HADHA: variants seen among roughly 807,000 people sequenced by gnomAD.
HADHA encodes the protein trifunctional enzyme subunit alpha, mitochondrial.
In HADHA, 59 loss-of-function variants were observed where a neutral mutation model predicts 91.3. The ratio of observed to expected loss-of-function variants is 0.65; its 90% CI spans 0.52 to 0.80. The LOEUF (loss-of-function observed/expected upper bound fraction) is 0.80. Among genes scored for constraint, HADHA ranks in the 30% least tolerant of loss-of-function variants. The pLI is 0.00. For missense variants in HADHA, 800 were observed against 927.6 expected, an observed-to-expected ratio of 0.86 and a Z score of 1.79; for synonymous variants, 320 against 338.9, an observed-to-expected ratio of 0.94 and a Z score of 0.61.
At chr2:26,231,338 A>G (rs2147780605) in intron 6 of HADHA, among the ~76,000 whole-genome samples, 1 of 152,310 alleles carries the variant, frequency 6.6e-6, no homozygotes, top group South Asian at 2.1e-4. Flanking sequence ...GCCAGAAGCT[A>G]TAAGGTTCAG....
In HADHA at chr2:26,191,241, G is replaced by A; in HGVS notation, c.*9C>T. The stretch of plus-strand genomic sequence containing the variant: ...TTAGTGCACTGACTGAGCGAGGCAT[G>A]AGGCCTGCTCACTGGTAGAACTTCT... On this transcript the variant is annotated 3_prime_UTR_variant, in exon 20 of 20. Coordinates refer to ENST00000380649, the MANE Select transcript of HADHA (RefSeq NM_000182.5). 1.2e-6 allele frequency: 2 copies of A among 1,611,828 alleles called. No homozygotes were observed. The highest frequency in any genetic ancestry group is 1.7e-6 in the Non-Finnish European group (2 of 1,179,520).
intron 13 of HADHA, among the ~76,000 whole-genome samples, chr2:26,200,730 A>G (rs1669808218): frequency 1.7e-5 from 2 of 114,588 alleles, no homozygotes; most frequent in Non-Finnish European, 3.4e-5. Context: ...TTGATAACAA[A>G]AAGTCTTTTT....
rs1670176822 is a variant in HADHA at position 26,214,692 on chromosome 2, C to A, written c.800-131G>T. ...GAACTGCTCTTTATTCTGATACACA[C>A]AATATAAATTTCAACCTAAGCACTA... On this transcript the variant is annotated intron_variant, in intron 8 of 19. Coordinates refer to ENST00000380649, the MANE Select transcript of HADHA (RefSeq NM_000182.5). The surrounding 1 kb of genome is among the most constrained non-coding windows in gnomAD (Gnocchi z 4.1). 2 of 682,586 alleles carry A rather than the reference C, an allele frequency of 2.9e-6. No individual in the cohort carries two copies. Among genetic ancestry groups the A allele is most frequent in the African/African-American group, 1.8e-5 (1 of 55,728 alleles). The allele number at this position is 682,586 out of a possible 1,614,324, so 42.3% of individuals were successfully genotyped here. A position where few individuals can be genotyped will look rare whatever the true frequency, so the allele number is the denominator to read the frequency against.
At chr2:26,231,345 T>C (rs1670617508) in intron 6 of HADHA, among the ~76,000 whole-genome samples, 1 of 152,218 alleles carries the variant, frequency 6.6e-6, no homozygotes, top group Non-Finnish European at 1.5e-5. Context: ...GCTATAAGGT[T>C]CAGTGGGCCC....
chr2:26,205,713 A>C (rs1366124247), intron 11 of HADHA, among the ~76,000 whole-genome samples: 1 of 152,168 alleles, frequency 6.6e-6, no homozygotes, highest in Admixed American at 6.5e-5. Flanking sequence ...CTGAGGCAGG[A>C]AAATTGCTTC....
In HADHA at chr2:26,190,977, C is replaced by T. The variant is rs945943112; in HGVS notation, c.*273G>A. Reference sequence around the variant, plus strand: ...TTGGGAGGAACAGGCAGAGAGGTGGCTTCAGATGGCTCTTGGCTGCCACTC... The same window carrying T: ...TTGGGAGGAACAGGCAGAGAGGTGGTTTCAGATGGCTCTTGGCTGCCACTC... On this transcript the variant is annotated 3_prime_UTR_variant, in exon 20 of 20. Transcript: ENST00000380649. 2 of 549,084 alleles carry T rather than the reference C, an allele frequency of 3.6e-6. No homozygotes were observed. Among genetic ancestry groups the T allele is most frequent in the Non-Finnish European group, 6.6e-6 (2 of 304,818 alleles). The allele number at this position is 549,084 out of a possible 1,614,324, so 34.0% of individuals were successfully genotyped here. A position where few individuals can be genotyped will look rare whatever the true frequency, so the allele number is the denominator to read the frequency against.
chr2:26,239,867 T>A (rs1033047329), intron 1 of HADHA, among the ~76,000 whole-genome samples: 3 of 152,198 alleles, frequency 2.0e-5, no homozygotes, highest in African/African-American at 7.2e-5. Flanking sequence ...ACCATCAGGT[T>A]TATTTACTAG....
chr2:26,236,861 T>TC lies in HADHA; in HGVS notation c.307dup (p.Asp103GlyfsTer26). 2 of 1,611,520 alleles carry TC rather than the reference T, an allele frequency of 1.2e-6. No homozygotes were observed. Among genetic ancestry groups the TC allele is most frequent in the Non-Finnish European group, 1.7e-6 (2 of 1,178,708 alleles). On this transcript the variant is annotated frameshift_variant, in exon 4 of 20. Coordinates refer to ENST00000380649, the MANE Select transcript of HADHA (RefSeq NM_000182.5). LOFTEE classifies it high-confidence loss of function. ...CAAGTTTCCTAAAACTTACTTGATA[T>TC]CAGCACCTGCAATAAAGCAGCCTGG...
chr2:26,195,188 CA>C lies in HADHA; in HGVS notation c.1523del (p.Leu508ArgfsTer19), dbSNP rs754145990. ...HYFSPVDKMQ[L>X]LEIITTEKTS... ...TTTTCTCGGTCGTGATAATCTCCAG[CA>C]GCTGCATCTTGTCCACGGGAGAGAA... is the stretch of plus-strand genomic sequence containing the variant. On this transcript the variant is annotated frameshift_variant, in exon 15 of 20. Transcript: ENST00000380649. LOFTEE classifies it high-confidence loss of function. The C allele has an allele frequency of 4.3e-6, 7 of 1,612,106 alleles. No homozygotes were observed. The highest frequency in any genetic ancestry group is 5.1e-6 in the Non-Finnish European group (6 of 1,178,248).
At chr2:26,202,603 T>C (rs554908150) in intron 12 of HADHA, among the ~76,000 whole-genome samples, 1 of 152,296 alleles carries the variant, frequency 6.6e-6, no homozygotes, top group African/African-American at 2.4e-5. Flanking sequence ...CAGCTGTGCA[T>C]GGTGGCGCAT....
In HADHA at chr2:26,190,758, C is replaced by T. The variant is rs1669469761; in HGVS notation, c.*492G>A. 4.5e-6 allele frequency: 1 copy of T among 220,288 alleles called. No individual in the cohort carries two copies. The highest frequency in any genetic ancestry group is 7.5e-5 in the South Asian group (1 of 13,318). 13.6% of individuals were successfully genotyped at this position (220,288 alleles called of 1,614,324 possible). A position where few individuals can be genotyped will look rare whatever the true frequency, so the allele number is the denominator to read the frequency against. ...GTCCCACTTTCTCTCATCCCAGTCC[C>T]TCCCTAAGGTGCTGCCTAGAATTCT... On this transcript the variant is annotated 3_prime_UTR_variant, in exon 20 of 20. Transcript: ENST00000380649.
intron 1 of HADHA, among the ~76,000 whole-genome samples, chr2:26,239,445 A>C (rs1199491303): frequency 6.6e-6 from 1 of 152,210 alleles, no homozygotes; most frequent in Non-Finnish European, 1.5e-5. Flanking sequence ...GCCTTAATAA[A>C]GAAAGTTTAT....
Position 26,209,701 on chromosome 2 carries a change from C to A in HADHA, c.1085+79G>T, listed in dbSNP as rs1234215416. On this transcript the variant is annotated intron_variant, in intron 11 of 19. Coordinates refer to ENST00000380649, the MANE Select transcript of HADHA (RefSeq NM_000182.5). ...AGACTGAATTAAGATACAGATCTAG[C>A]TCTGTAGATCTTCAAAGCCTCTGTG... is the stretch of plus-strand genomic sequence containing the variant. 3.7e-6 allele frequency: 3 copies of A among 802,956 alleles called. No homozygotes were observed. In the African/African-American group the frequency reaches 5.0e-5, roughly 13 times the overall value. 49.7% of individuals were successfully genotyped at this position (802,956 alleles called of 1,614,324 possible). A position where few individuals can be genotyped will look rare whatever the true frequency, so the allele number is the denominator to read the frequency against.
chr2:26,195,708 A>G (rs1669650094), intron 14 of HADHA, among the ~76,000 whole-genome samples: 1 of 152,174 alleles, frequency 6.6e-6, no homozygotes, highest in Non-Finnish European at 1.5e-5. Context: ...AACACTCCTC[A>G]ACAGTCAGAT....
rs1670773890 is a variant in HADHA, at chr2:26,236,866, A to C, written c.303T>G (p.Gly101=). 2.5e-6 allele frequency: 4 copies of C among 1,611,906 alleles called. No individual in the cohort carries two copies. Among genetic ancestry groups the C allele is most frequent in the Non-Finnish European group, 2.5e-6 (3 of 1,178,920 alleles). ...ISSKPGCFIA[G]ADINMLAACK... is the part of the protein sequence containing the mutation. ...TTCCTAAAACTTACTTGATATCAGC[A>C]CCTGCAATAAAGCAGCCTGGCTTTG... Residue 101 remains glycine, a synonymous_variant, in exon 4 of 20, where the codon GGT becomes GGG. Transcript: ENST00000380649.
intron 13 of HADHA, 106 bp downstream of exon 13, chr2:26,201,043 C>T: frequency 1.1e-6 from 1 of 881,978 alleles, no homozygotes; most frequent in Non-Finnish European, 1.9e-6. Flanking sequence ...TTGAATAGTC[C>T]TTTTTATAAA....
chr2:26,215,549 G>C (rs150491042), intron 7 of HADHA, among the ~76,000 whole-genome samples: 1 of 152,306 alleles, frequency 6.6e-6, no homozygotes, highest in Non-Finnish European at 1.5e-5. Flanking sequence ...GGGAGCTATG[G>C]AAGTAACAAG....
intron 7 of HADHA, among the ~76,000 whole-genome samples, chr2:26,216,135 G>A (rs1670213968): frequency 6.6e-6 from 1 of 152,110 alleles, no homozygotes; most frequent in South Asian, 2.1e-4. Flanking sequence ...ACAATTTATA[G>A]TGCTGTGAAA....
intron 7 of HADHA, among the ~76,000 whole-genome samples, chr2:26,224,716 T>C (rs1014153882): frequency 2.6e-5 from 4 of 152,242 alleles, no homozygotes; most frequent in Admixed American, 6.5e-5. Context: ...GAAGACTATG[T>C]ATGGCTTTAG....
Sources: allele counts gnomAD v4.1 joint callset (sites outside exome capture counted in the v4.1 genomes callset), GRCh38; gene constraint gnomAD v4.1.1; non-coding constraint Gnocchi (gnomAD v3.1); transcripts MANE v1.5; gene names NCBI Gene and HGNC (gene_info 2026-07-23, HGNC 2026-07-21).